VPS13C: variants seen among roughly 807,000 people sequenced by gnomAD.
VPS13C encodes intermembrane lipid transfer protein VPS13C.
A neutral mutation model predicts 456.8 loss-of-function variants in VPS13C; 358 were observed. The observed-to-expected ratio is 0.78, with a 90% CI of 0.72 to 0.86. The LOEUF (loss-of-function observed/expected upper bound fraction) is 0.86. VPS13C is among the 40% of genes least tolerant of loss of function. VPS13C has a pLI of 0.00. For synonymous variants in VPS13C, 1,578 were observed against 1,486.7 expected, an observed-to-expected ratio of 1.06 and a Z score of -1.41; for missense variants, 4,818 against 4,385.4, an observed-to-expected ratio of 1.10 and a Z score of -2.79.
At chr15:62,012,611 A>T (rs2047085045) in intron 11 of VPS13C, among the ~76,000 whole-genome samples, 1 of 151,944 alleles carries the variant, frequency 6.6e-6, no homozygotes, top group Non-Finnish European at 1.5e-5. Flanking sequence ...TAGCACATTG[A>T]AGTTTTGAAT....
chr15:61,976,878 T>C (rs967134163), intron 24 of VPS13C, among the ~76,000 whole-genome samples: 4 of 152,034 alleles, frequency 2.6e-5, no homozygotes, highest in African/African-American at 9.7e-5. Context: ...TTTTACAGAA[T>C]GTAAAAGTCC....
chr15:62,056,909 G>A (rs1171330617), intron 1 of VPS13C, among the ~76,000 whole-genome samples: 1 of 152,188 alleles, frequency 6.6e-6, no homozygotes, highest in Non-Finnish European at 1.5e-5. Flanking sequence ...TGACCCACGT[G>A]ACCTTACCTA....
At chr15:61,862,168 G>A (rs1301677061) in intron 82 of VPS13C, among the ~76,000 whole-genome samples, 2 of 148,418 alleles carry the variant, frequency 1.3e-5, no homozygotes, top group Non-Finnish European at 3.0e-5. Context: ...AAAGGAAAAG[G>A]AAAAGGAAAG....
chr15:61,902,405 C>A (rs770217127), intron 66 of VPS13C, among the ~76,000 whole-genome samples: 1 of 151,568 alleles, frequency 6.6e-6, no homozygotes, highest in Non-Finnish European at 1.5e-5. Flanking sequence ...CAGCATTAAC[C>A]TATTACTAAA....
rs780320373 is a variant in VPS13C, at chr15:61,905,748, TCTA to T, written c.9105+1513_9105+1515del. Among the ~76,000 whole-genome samples, 16 of 152,278 alleles carry T rather than the reference TCTA, an allele frequency of 1.1e-4. No homozygotes were observed. In the East Asian group the frequency reaches 2.7e-3, roughly 26 times the overall value. On this transcript the variant is annotated intron_variant, in intron 66 of 84. Coordinates refer to ENST00000644861, the MANE Select transcript of VPS13C (RefSeq NM_020821.3). Reference sequence around the variant, plus strand: ...AAATTCCTTTCTCACTGATTTGAGTTCTACTAATTGATAGCTTTTTTAAAAAGA... The same window carrying T: ...AAATTCCTTTCTCACTGATTTGAGTTCTAATTGATAGCTTTTTTAAAAAGA...
At chr15:61,857,725 T>C (rs113601988) in intron 82 of VPS13C, among the ~76,000 whole-genome samples, 6 of 151,990 alleles carry the variant, frequency 3.9e-5, no homozygotes, top group African/African-American at 1.2e-4. Flanking sequence ...TACGGCAATA[T>C]AAATAGTCCA....
In VPS13C at chr15:61,959,442, A is replaced by G. The variant is rs2045119360; in HGVS notation, c.4056+6T>C. On this transcript the variant is annotated splice_donor_region_variant and intron_variant, in intron 36 of 84. Coordinates refer to ENST00000644861, the MANE Select transcript of VPS13C (RefSeq NM_020821.3). ...AATGAAGTTTTTTCTTCACTCATAT[A>G]CTTACATTCATTGAATCAAGATGTC... 1 of 1,606,786 alleles carries G rather than the reference A, an allele frequency of 6.2e-7. No individual in the cohort carries two copies.
At chr15:61,942,778 A>C (rs1336067707) in intron 45 of VPS13C, among the ~76,000 whole-genome samples, 1 of 152,092 alleles carries the variant, frequency 6.6e-6, no homozygotes, top group Non-Finnish European at 1.5e-5. Flanking sequence ...ACCCACCTCC[A>C]AGTTAATTGC....
In VPS13C at chr15:61,910,225, G is replaced by C; in HGVS notation, c.8796C>G (p.Phe2932Leu). 6.6e-7 allele frequency: 1 copy of C among 1,504,958 alleles called. No individual in the cohort carries two copies. The allele number at this position is 1,504,958 out of a possible 1,614,324, so 93.2% of individuals were successfully genotyped here. A position where few individuals can be genotyped will look rare whatever the true frequency, so the allele number is the denominator to read the frequency against. ...VVGCEGSSKP[F>L]FYNRQDNGTL... is the part of the protein sequence containing the mutation. ...TGCCATTATCCTGTCGGTTATAAAA[G>C]AATGGTTTGGAAGATCCTTCACAGC... Residue 2932 changes from phenylalanine to leucine, a missense_variant, in exon 64 of 85, where the codon TTC becomes TTG. By Grantham distance (22) the Phe-to-Leu change is conservative (BLOSUM62 0). Transcript: ENST00000644861.
At chr15:61,993,299 T>A (rs2046282100) in intron 16 of VPS13C, among the ~76,000 whole-genome samples, 1 of 152,134 alleles carries the variant, frequency 6.6e-6, no homozygotes, top group Non-Finnish European at 1.5e-5. Context: ...TATTTTTTCA[T>A]TGTTACCATA....
chr15:62,002,372 T>C (rs937793810), intron 15 of VPS13C, among the ~76,000 whole-genome samples: 8 of 152,136 alleles, frequency 5.3e-5, no homozygotes, highest in Non-Finnish European at 1.0e-4. Flanking sequence ...GGTTGTTTGT[T>C]TTTTTCTTGT....
In VPS13C at chr15:61,936,663, G is replaced by A. The variant is rs1444698759; in HGVS notation, c.5689C>T (p.Gln1897Ter). The A allele has an allele frequency of 2.2e-5, 35 of 1,613,280 alleles. No homozygotes were observed. Among genetic ancestry groups the A allele is most frequent in the East Asian group, 4.5e-5 (2 of 44,860 alleles). Reference protein sequence around the residue: ...GEASSQPSPTQSVQETVRVRK... With the variant: ...GEASSQPSPT ...ACTCTTACAGTCTCCTGCACAGACT[G>A]TGTAGGGCTTGGTTGTGAGGAAGCT... Residue 1897 changes from glutamine (Q) to a stop codon, truncating the protein, a stop_gained, in exon 48 of 85, where the codon CAG becomes TAG. Transcript: ENST00000644861. LOFTEE classifies it high-confidence loss of function.
chr15:61,865,781 T>C (rs1894533537), intron 81 of VPS13C: 4 of 725,142 alleles, frequency 5.5e-6, no homozygotes, highest in Non-Finnish European at 6.6e-6. Flanking sequence ...TATATATGTA[T>C]GTGTATATAT....
chr15:62,046,383 A>T (rs951377054), intron 1 of VPS13C, among the ~76,000 whole-genome samples: 1 of 152,228 alleles, frequency 6.6e-6, no homozygotes, highest in Non-Finnish European at 1.5e-5. Context: ...GGGGGAAAAA[A>T]GTCCTTACGT....
At chr15:61,992,654 T>C (rs1332050460) in intron 16 of VPS13C, among the ~76,000 whole-genome samples, 3 of 152,098 alleles carry the variant, frequency 2.0e-5, no homozygotes, top group Non-Finnish European at 4.4e-5. Flanking sequence ...TGTCACAAGC[T>C]AGGGATGAGT....
At chr15:61,944,027 CAT>C (rs1339801301) in intron 45 of VPS13C, among the ~76,000 whole-genome samples, 1 of 151,712 alleles carries the variant, frequency 6.6e-6, no homozygotes, top group East Asian at 1.9e-4. Flanking sequence ...AGCCAACAAA[CAT>C]ATGAAAAAAT....
intron 22 of VPS13C, among the ~76,000 whole-genome samples, chr15:61,979,303 G>A (rs2045802579): frequency 6.6e-6 from 1 of 152,108 alleles, no homozygotes; most frequent in African/African-American, 2.4e-5. Context: ...AAACTGTTTT[G>A]TACCAAAAGA....
chr15:61,968,817 C>T (rs1450787814), intron 28 of VPS13C, among the ~76,000 whole-genome samples: 1 of 152,022 alleles, frequency 6.6e-6, no homozygotes, highest in Non-Finnish European at 1.5e-5. Flanking sequence ...AAGAACAAGG[C>T]CTTCAATAAC....
In VPS13C at chr15:61,961,716, C is replaced by T; in HGVS notation, c.3781G>A (p.Ala1261Thr). 1 of 1,614,054 alleles carries T rather than the reference C, an allele frequency of 6.2e-7. No individual in the cohort carries two copies. Among genetic ancestry groups the T allele is most frequent in the Non-Finnish European group, 8.5e-7 (1 of 1,179,960 alleles). The change falls in exon 35 of 85, where the codon GCA becomes ACA. Residue 1261 changes from alanine (A) to threonine (T), a missense_variant. By Grantham distance (58) the Ala-to-Thr change is moderately conservative. Transcript: ENST00000644861. ...VIPQSSISTN[A>T]VVVDLGLIRV... Reference sequence around the variant, plus strand: ...ATTAACCCAAGATCTACCACTACTGCATTGGTGGAAATAGAAGACTGTGGG... The same window carrying T: ...ATTAACCCAAGATCTACCACTACTGTATTGGTGGAAATAGAAGACTGTGGG...
Sources: allele counts gnomAD v4.1 joint callset (sites outside exome capture counted in the v4.1 genomes callset), GRCh38; gene constraint gnomAD v4.1.1; transcripts MANE v1.5; gene names NCBI Gene and HGNC (gene_info 2026-07-23, HGNC 2026-07-21).